PUM2: variants seen among roughly 807,000 people sequenced by gnomAD.
PUM2 encodes pumilio homolog 2.
In PUM2, 57 loss-of-function variants were observed where a neutral mutation model predicts 124.5. The observed-to-expected ratio is 0.46, with a 90% CI of 0.37 to 0.57. The LOEUF (loss-of-function observed/expected upper bound fraction) is 0.57. PUM2 is among the 20% of genes least tolerant of loss of function. The pLI is 0.00. For synonymous variants in PUM2, 460 were observed against 446.1 expected, an observed-to-expected ratio of 1.03 and a Z score of -0.39; for missense variants, 1,065 against 1,290.6, an observed-to-expected ratio of 0.83 and a Z score of 2.68.
intron 7 of PUM2, among the ~76,000 whole-genome samples, chr2:20,306,514 C>T (rs562089928): frequency 3.3e-5 from 5 of 149,854 alleles, no homozygotes; most frequent in Admixed American, 6.7e-5. Context: ...AGGGATAAAG[C>T]GGGTGGGGAA....
At chr2:20,287,534 G>C (rs1673018894) in intron 10 of PUM2, among the ~76,000 whole-genome samples, 1 of 152,158 alleles carries the variant, frequency 6.6e-6, no homozygotes, top group African/African-American at 2.4e-5. Context: ...GCTAGGACTA[G>C]AGGCATAGAA....
intron 1 of PUM2, among the ~76,000 whole-genome samples, chr2:20,339,634 C>T (rs575207532): frequency 6.6e-6 from 1 of 152,186 alleles, no homozygotes; most frequent in Non-Finnish European, 1.5e-5. Flanking sequence ...AAGCCCAGCA[C>T]TTTGGGAGGC....
chr2:20,287,752 G>C (rs1242394520), intron 10 of PUM2, among the ~76,000 whole-genome samples: 1 of 152,200 alleles, frequency 6.6e-6, no homozygotes, highest in African/African-American at 2.4e-5. Context: ...CAGAATGGTA[G>C]AGAATTGGCA....
At chr2:20,325,624 C>CT (rs372989412) in intron 2 of PUM2, among the ~76,000 whole-genome samples, 47,411 of 141,562 alleles carry the variant, frequency 0.33, 7,980 homozygotes, top group Non-Finnish European at 0.36. Context: ...CTCTCTTGTT[C>CT]TTTTTTTTTT....
intron 13 of PUM2, among the ~76,000 whole-genome samples, chr2:20,267,069 C>CT (rs1667837260): frequency 6.6e-6 from 1 of 151,474 alleles, no homozygotes; most frequent in African/African-American, 2.4e-5. Context: ...GTCACCCAGG[C>CT]TGGAGTGCAG....
chr2:20,295,940 T>C (rs972773474), intron 8 of PUM2, among the ~76,000 whole-genome samples: 2 of 152,212 alleles, frequency 1.3e-5, no homozygotes, highest in Non-Finnish European at 2.9e-5. Context: ...AAGTCCAAAA[T>C]ACATAGAATG....
intron 1 of PUM2, among the ~76,000 whole-genome samples, chr2:20,345,556 C>T (rs1335383516): frequency 2.6e-5 from 4 of 151,996 alleles, no homozygotes; most frequent in African/African-American, 7.3e-5. Flanking sequence ...CAGTGTGGCA[C>T]GATACATCTG....
chr2:20,251,868 GA>G, intron 20 of PUM2, 152 bp from the exon 21 acceptor site: 1 of 822,142 alleles, frequency 1.2e-6, no homozygotes, highest in Non-Finnish European at 1.8e-6. Flanking sequence ...AAGCAGTTGT[GA>G]TCTGCTCAAT....
chr2:20,254,355 A>G (rs1664250901), intron 19 of PUM2, among the ~76,000 whole-genome samples: 1 of 151,990 alleles, frequency 6.6e-6, no homozygotes, highest in African/African-American at 2.4e-5. Flanking sequence ...ATCTCCCTCT[A>G]TGTTGTCCAG....
intron 7 of PUM2, among the ~76,000 whole-genome samples, chr2:20,304,710 TTTGAGATCAGCTATATTCAAAGCTGAC>T (rs1356297385): frequency 3.3e-5 from 5 of 152,322 alleles, no homozygotes; most frequent in Admixed American, 2.6e-4. Flanking sequence ...ATGTGACTAG[TTTGAGATCAGCTATATTCAAAGCTGAC>T]TTGAGATCAG....
chr2:20,264,359 AAAAAAAAAATATATATATATATAT>A (rs1667064641), intron 13 of PUM2, among the ~76,000 whole-genome samples: 1 of 70,026 alleles, frequency 1.4e-5, no homozygotes, highest in African/African-American at 5.8e-5. Flanking sequence ...AAAAAAAAAA[AAAAAAAAAATATATATATATATAT>A]ATATATATAT....
At chr2:20,324,795 C>T (rs1047561399) in intron 2 of PUM2, among the ~76,000 whole-genome samples, 1 of 152,108 alleles carries the variant, frequency 6.6e-6, no homozygotes, top group Non-Finnish European at 1.5e-5. Flanking sequence ...ATCTACAAAA[C>T]ACAGTAAATT....
At chr2:20,342,044 G>A (rs1056023570) in intron 1 of PUM2, among the ~76,000 whole-genome samples, 8 of 150,532 alleles carry the variant, frequency 5.3e-5, no homozygotes, top group Admixed American at 1.3e-4. Context: ...CAGGAGAATC[G>A]CTTAAACCCA....
intron 10 of PUM2, among the ~76,000 whole-genome samples, chr2:20,283,937 T>C (rs1003822966): frequency 6.6e-6 from 1 of 152,246 alleles, no homozygotes; most frequent in African/African-American, 2.4e-5. Context: ...TCATTTGTAA[T>C]CATCTCTTTA....
At chr2:20,296,367 C>T (rs567695528) in intron 8 of PUM2, among the ~76,000 whole-genome samples, 44 of 152,018 alleles carry the variant, frequency 2.9e-4, no homozygotes, top group African/African-American at 7.7e-4. Context: ...TGGTGGTGGG[C>T]GCCTGTAGTC....
At chr2:20,335,736 G>T (rs1259491145) in intron 1 of PUM2, among the ~76,000 whole-genome samples, 4 of 152,150 alleles carry the variant, frequency 2.6e-5, no homozygotes, top group African/African-American at 4.8e-5. Flanking sequence ...ATGAAATTTG[G>T]CATAAAAATT....
intron 13 of PUM2, among the ~76,000 whole-genome samples, chr2:20,270,449 T>C (rs187661538): frequency 1.1e-4 from 17 of 152,298 alleles, no homozygotes; most frequent in Non-Finnish European, 1.6e-4. Context: ...GAATAAATTC[T>C]GATCCTACAC....
chr2:20,289,881 T>C (rs1673594825), intron 10 of PUM2, among the ~76,000 whole-genome samples: 3 of 152,190 alleles, frequency 2.0e-5, no homozygotes, highest in Non-Finnish European at 4.4e-5. Context: ...AAGTAACCCA[T>C]ATACGGACAA....
At chr2:20,275,454 C>T (rs935179654) in intron 13 of PUM2, among the ~76,000 whole-genome samples, 2 of 151,990 alleles carry the variant, frequency 1.3e-5, no homozygotes, top group Non-Finnish European at 2.9e-5. Flanking sequence ...TGAGGGATAG[C>T]TATTCTTCTT....
Sources: gnomAD v4.1 joint callset for allele counts (sites outside exome capture counted in the v4.1 genomes callset) on GRCh38, gnomAD v4.1.1 for gene constraint, MANE v1.5 for transcripts, NCBI Gene and HGNC (gene_info 2026-07-23, HGNC 2026-07-21) for gene names.